Variants in ATP8A1 observed in about 807,000 individuals in gnomAD.
ATP8A1 encodes ATPase phospholipid transporting 8A1, also known as phospholipid-transporting ATPase IA.
Under a neutral mutation model 177.7 loss-of-function variants are expected in ATP8A1, and 90 were observed. The observed-to-expected ratio is 0.51, with a 90% CI of 0.43 to 0.60. The LOEUF (loss-of-function observed/expected upper bound fraction) is 0.60. ATP8A1 is among the 20% of genes least tolerant of loss of function. ATP8A1 has a pLI of 0.00. For synonymous variants in ATP8A1, 493 were observed against 485.9 expected (o/e 1.01, Z -0.19); for missense variants, 1,072 against 1,392.8 (o/e 0.77, Z 3.67).
chr4:42,579,689 A>G (rs1732819627), intron 11 of ATP8A1, 124 bp downstream of exon 11: 1 of 880,974 alleles, frequency 1.1e-6, no homozygotes, highest in Non-Finnish European at 1.7e-6. Flanking sequence ...TAAAGATCAA[A>G]TGTCCAGCTA....
intron 22 of ATP8A1, among the ~76,000 whole-genome samples, chr4:42,509,842 A>G (rs538484491): frequency 7.6e-6 from 1 of 131,760 alleles, no homozygotes; most frequent in Admixed American, 7.8e-5. Flanking sequence ...ACAGAGCGAG[A>G]CAGTCTCAAA....
In ATP8A1 at chr4:42,408,766, A is replaced by C. The variant is rs1712259900; in HGVS notation, c.*4150T>G. 1.3e-5 allele frequency: 2 copies of C among 152,224 alleles called. No homozygotes were observed. 9.4% of individuals were successfully genotyped at this position (152,224 alleles called of 1,614,324 possible). On this transcript the variant is annotated 3_prime_UTR_variant, in exon 37 of 37. Coordinates refer to ENST00000381668, the MANE Select transcript of ATP8A1 (RefSeq NM_006095.2). ...CTTGAAAATGTAAAAAATGACGATT[A>C]AAGTAGTTAAACAACAGATAGTATT...
intron 6 of ATP8A1, among the ~76,000 whole-genome samples, chr4:42,593,417 C>A (rs1734392162): frequency 6.6e-6 from 1 of 151,992 alleles, no homozygotes; most frequent in East Asian, 1.9e-4. Context: ...TAACTACCTG[C>A]AGTTACTTTA....
intron 33 of ATP8A1, among the ~76,000 whole-genome samples, chr4:42,431,695 C>T (rs527854687): frequency 2.0e-5 from 3 of 152,186 alleles, no homozygotes; most frequent in African/African-American, 7.2e-5. Context: ...CTGGCTCTGA[C>T]CCCTCTGAAA....
At chr4:42,426,996 AT>A (rs551231673) in intron 33 of ATP8A1, among the ~76,000 whole-genome samples, 1 of 152,154 alleles carries the variant, frequency 6.6e-6, no homozygotes, top group East Asian at 1.9e-4. Context: ...GCTTCAAAAC[AT>A]TTTTTTGGAG....
intron 7 of ATP8A1, among the ~76,000 whole-genome samples, chr4:42,589,745 T>C (rs1733968965): frequency 6.6e-6 from 1 of 152,190 alleles, no homozygotes; most frequent in Non-Finnish European, 1.5e-5. Flanking sequence ...ACATAGTTTA[T>C]GAATTTATAA....
chr4:42,436,742 A>G (rs925122848), intron 33 of ATP8A1, among the ~76,000 whole-genome samples: 6 of 152,210 alleles, frequency 3.9e-5, no homozygotes, highest in Non-Finnish European at 7.3e-5. Flanking sequence ...CCATCATATC[A>G]TAACACTGCC....
At position 42,444,651 on chromosome 4, in the gene ATP8A1, A is replaced by G. The variant is rs749437099; in HGVS notation, c.2959-17T>C. 9.3e-6 allele frequency: 15 copies of G among 1,612,504 alleles called. No homozygotes were observed. Among genetic ancestry groups the G allele is most frequent in the Non-Finnish European group, 1.3e-5 (15 of 1,178,752 alleles). On this transcript the variant is annotated splice_polypyrimidine_tract_variant and intron_variant, in intron 31 of 36. Coordinates refer to ENST00000381668, the MANE Select transcript of ATP8A1 (RefSeq NM_006095.2). Reference sequence around the variant, plus strand: ...CACCACAAACTAAAACAGAAGGGGAAAATGTTATTTTACCTCATAAACATG... The same window carrying G: ...CACCACAAACTAAAACAGAAGGGGAGAATGTTATTTTACCTCATAAACATG...
chr4:42,656,881 GC>G lies in ATP8A1; in HGVS notation c.-9del. 1 of 1,582,726 alleles carries G rather than the reference GC, an allele frequency of 6.3e-7. No homozygotes were observed. Among genetic ancestry groups the G allele is most frequent in the Non-Finnish European group, 8.6e-7 (1 of 1,164,818 alleles). On this transcript the variant is annotated 5_prime_UTR_variant, in exon 1 of 37. Coordinates refer to ENST00000381668, the MANE Select transcript of ATP8A1 (RefSeq NM_006095.2). ...CCTCCGCATGGTGGGCATCGCGGCGGCGGCTGCAGGTGGGTCCTCAGCCCGG... is the reference window on the plus strand; with the variant it reads ...CCTCCGCATGGTGGGCATCGCGGCGGGGCTGCAGGTGGGTCCTCAGCCCGG...
intron 9 of ATP8A1, among the ~76,000 whole-genome samples, chr4:42,586,015 A>G (rs895963385): frequency 6.6e-6 from 1 of 152,206 alleles, no homozygotes; most frequent in Non-Finnish European, 1.5e-5. Flanking sequence ...AGCCTATAAC[A>G]CGAGTATTTG....
chr4:42,493,199 T>C (rs1331535969), intron 24 of ATP8A1, among the ~76,000 whole-genome samples: 1 of 152,182 alleles, frequency 6.6e-6, no homozygotes, highest in Non-Finnish European at 1.5e-5. Context: ...GAAAATAAAA[T>C]GACGTCACAC....
chr4:42,603,053 T>C (rs900189502), intron 5 of ATP8A1, among the ~76,000 whole-genome samples: 16 of 152,108 alleles, frequency 1.1e-4, no homozygotes, highest in African/African-American at 3.9e-4. Flanking sequence ...ATAGTAATAC[T>C]TAGTTTTTTT....
intron 2 of ATP8A1, 85 bp downstream of exon 2, chr4:42,626,910 G>T: frequency 2.0e-6 from 2 of 1,001,460 alleles, no homozygotes; most frequent in East Asian, 2.5e-5. Flanking sequence ...TGACTGCACT[G>T]AAAGCTCTTT....
At chr4:42,472,596 T>C (rs921557998) in intron 25 of ATP8A1, among the ~76,000 whole-genome samples, 1 of 151,704 alleles carries the variant, frequency 6.6e-6, no homozygotes, top group South Asian at 2.1e-4. Flanking sequence ...AAAAAAAAAT[T>C]AGCTGAGTGT....
intron 1 of ATP8A1, among the ~76,000 whole-genome samples, chr4:42,642,230 C>T (rs1449241186): frequency 6.6e-6 from 1 of 152,124 alleles, no homozygotes; most frequent in African/African-American, 2.4e-5. Flanking sequence ...AAATATCCAA[C>T]AAATCCATTA....
intron 5 of ATP8A1, among the ~76,000 whole-genome samples, chr4:42,601,911 C>T (rs1430958492): frequency 1.7e-5 from 1 of 60,072 alleles, no homozygotes; most frequent in African/African-American, 4.5e-5. Context: ...ATGTTTTGAA[C>T]TCAGTGTTTC....
In ATP8A1 at chr4:42,621,796, G is replaced by A. The variant is rs569991310; in HGVS notation, c.363+2740C>T. 4.1e-4 allele frequency among the ~76,000 whole-genome samples: 63 copies of A among 152,120 alleles called. 1 individual carries two copies. Among genetic ancestry groups the A allele is most frequent in the Non-Finnish European group, 8.7e-4 (59 of 68,026 alleles). On this transcript the variant is annotated intron_variant, in intron 4 of 36. Transcript: ENST00000381668. ...GGCAATTCTAAGCAAAAAGAACAAA[G>A]CTGGAGGTATCAATTATGCTACCCA...
rs778022629 is a variant in ATP8A1 at position 42,448,396 on chromosome 4, C to CTTTACTTTGTTTTTTT, written c.2897-1753_2897-1752insAAAAAAACAAAGTAAA. On this transcript the variant is annotated intron_variant, in intron 30 of 36. Transcript: ENST00000381668. The stretch of plus-strand genomic sequence containing the variant: ...GTAGCCTCCCTCCCTCCTTCTCTTT[C>CTTTACTTTGTTTTTTT]TTTTCTTTTTTTTTTTTTTGAGATG... Among the ~76,000 whole-genome samples the CTTTACTTTGTTTTTTT allele has an allele frequency of 2.4e-5, 2 of 84,132 alleles. 1 individual carries two copies. Among genetic ancestry groups the CTTTACTTTGTTTTTTT allele is most frequent in the South Asian group, 8.9e-4 (2 of 2,248 alleles). 55.2% of individuals were successfully genotyped at this position (84,132 alleles called of 152,430 possible).
chr4:42,590,045 C>T (rs186111072), intron 7 of ATP8A1, among the ~76,000 whole-genome samples: 1 of 152,244 alleles, frequency 6.6e-6, no homozygotes, highest in African/African-American at 2.4e-5. Context: ...AGCAAGAAGT[C>T]TCAGATAAGG....
Sources: allele counts gnomAD v4.1 joint callset (sites outside exome capture counted in the v4.1 genomes callset), GRCh38; gene constraint gnomAD v4.1.1; transcripts MANE v1.5; gene names NCBI Gene and HGNC (gene_info 2026-07-23, HGNC 2026-07-21).